GRID2: variants seen among roughly 807,000 people sequenced by gnomAD.
The protein encoded by GRID2 is glutamate receptor ionotropic, delta-2.
A neutral mutation model predicts 114.8 loss-of-function variants in GRID2; 33 were observed. That is an observed-to-expected ratio of 0.29 (90% confidence interval 0.22 to 0.38). The LOEUF is 0.38. Ranked by LOEUF, GRID2 falls within the 10% of genes least tolerant of loss-of-function variation. The probability of loss-of-function intolerance (pLI) is 1.00; values close to 1 mark genes in which losing one functional copy is unlikely to be tolerated. For synonymous variants in GRID2, 505 were observed against 449.9 expected (o/e 1.12, Z -1.55); for missense variants, 1,184 against 1,257.7 (o/e 0.94, Z 0.89).
intron 14 of GRID2, among the ~76,000 whole-genome samples, chr4:93,768,459 C>A (rs1004479838): frequency 1.3e-5 from 2 of 152,156 alleles, no homozygotes; most frequent in Non-Finnish European, 2.9e-5. Flanking sequence ...CCCTCAGACT[C>A]TGGGGAGGGG....
At chr4:93,659,225 G>T (rs1723274641) in intron 14 of GRID2, among the ~76,000 whole-genome samples, 1 of 151,850 alleles carries the variant, frequency 6.6e-6, no homozygotes, top group Non-Finnish European at 1.5e-5. Flanking sequence ...AAGTCCAGAA[G>T]TGCATGTAAA....
chr4:92,374,941 C>A (rs1470178085), intron 1 of GRID2, among the ~76,000 whole-genome samples: 1 of 152,020 alleles, frequency 6.6e-6, no homozygotes, highest in Non-Finnish European at 1.5e-5. Context: ...CATACCATAC[C>A]TGAGACAGAC....
At chr4:93,633,759 C>T (rs1721158344) in intron 14 of GRID2, among the ~76,000 whole-genome samples, 1 of 152,142 alleles carries the variant, frequency 6.6e-6, no homozygotes, top group Non-Finnish European at 1.5e-5. Flanking sequence ...TTCTTTCCAA[C>T]TCCCTGCTGT....
intron 1 of GRID2, among the ~76,000 whole-genome samples, chr4:92,331,916 T>C (rs1453597218): frequency 6.6e-6 from 1 of 152,182 alleles, no homozygotes; most frequent in African/African-American, 2.4e-5. Flanking sequence ...ACTGTGGATA[T>C]CTACAGATAT....
chr4:93,453,739 G>C (rs1415411771), intron 10 of GRID2, among the ~76,000 whole-genome samples: 1 of 151,986 alleles, frequency 6.6e-6, no homozygotes, highest in African/African-American at 2.4e-5. Flanking sequence ...CATGTTGTCA[G>C]TAAATTCCTC....
intron 3 of GRID2, among the ~76,000 whole-genome samples, chr4:93,088,812 A>G (rs746866185): frequency 1.3e-5 from 2 of 152,140 alleles, no homozygotes; most frequent in Non-Finnish European, 2.9e-5. Context: ...GGAACAAGTG[A>G]TAGGTAACTT....
intron 2 of GRID2, among the ~76,000 whole-genome samples, chr4:93,062,219 A>C (rs1553977054): frequency 6.6e-6 from 1 of 152,122 alleles, no homozygotes; most frequent in Non-Finnish European, 1.5e-5. Context: ...TAAATATAAA[A>C]TATGCTGTAT....
chr4:93,265,748 A>C (rs756704401), intron 8 of GRID2, among the ~76,000 whole-genome samples: 4 of 152,218 alleles, frequency 2.6e-5, no homozygotes, highest in Non-Finnish European at 5.9e-5. Flanking sequence ...TGGTGAGTCC[A>C]CTGAAGGAAT....
At chr4:93,447,513 A>G (rs1722200957) in intron 10 of GRID2, among the ~76,000 whole-genome samples, 1 of 152,118 alleles carries the variant, frequency 6.6e-6, no homozygotes, top group South Asian at 2.1e-4. Flanking sequence ...TTTCACAAGC[A>G]TGATGGAACA....
At chr4:92,994,588 T>G (rs1239220268) in intron 2 of GRID2, among the ~76,000 whole-genome samples, 3 of 152,144 alleles carry the variant, frequency 2.0e-5, no homozygotes, top group African/African-American at 7.2e-5. Flanking sequence ...CCTCCCAAAG[T>G]GCTGAGATTA....
At chr4:92,851,929 T>TA (rs1246326806) in intron 2 of GRID2, among the ~76,000 whole-genome samples, 2 of 151,912 alleles carry the variant, frequency 1.3e-5, no homozygotes, top group Admixed American at 1.3e-4. Context: ...TGAGACCACC[T>TA]AAAAAATTGC....
intron 9 of GRID2, among the ~76,000 whole-genome samples, chr4:93,396,057 C>T (rs1424389506): frequency 6.6e-6 from 1 of 151,896 alleles, no homozygotes. Flanking sequence ...AACATTGAAA[C>T]TATAAATGAA....
At chr4:92,853,428 AT>A (rs1420002135) in intron 2 of GRID2, among the ~76,000 whole-genome samples, 1 of 151,978 alleles carries the variant, frequency 6.6e-6, no homozygotes, top group Non-Finnish European at 1.5e-5. Flanking sequence ...ACTTTCTCCA[AT>A]CTCATAGAAA....
At chr4:92,312,096 G>A (rs926129522) in intron 1 of GRID2, among the ~76,000 whole-genome samples, 1 of 151,860 alleles carries the variant, frequency 6.6e-6, no homozygotes, top group Admixed American at 6.6e-5. Flanking sequence ...CAAGAATGAC[G>A]GCCATGAGAT....
At chr4:93,505,348 C>A (rs1728523202) in intron 12 of GRID2, among the ~76,000 whole-genome samples, 1 of 151,936 alleles carries the variant, frequency 6.6e-6, no homozygotes, top group Non-Finnish European at 1.5e-5. Flanking sequence ...TTGAAGATAT[C>A]ATCTTAACAT....
At chr4:93,314,598 A>C (rs7674580) in intron 8 of GRID2, among the ~76,000 whole-genome samples, 67,697 of 151,878 alleles carry the variant, frequency 0.45, 15,771 homozygotes, top group East Asian at 0.62. Context: ...AGTTTATCTT[A>C]TTAATAAGCC....
At chr4:92,959,711 T>C (rs374627209) in intron 2 of GRID2, among the ~76,000 whole-genome samples, 1 of 152,040 alleles carries the variant, frequency 6.6e-6, no homozygotes, top group South Asian at 2.1e-4. Context: ...TGCAGGGACA[T>C]GGATGAAGCT....
chr4:93,190,380 T>G (rs1417915010), intron 4 of GRID2, among the ~76,000 whole-genome samples: 2 of 152,124 alleles, frequency 1.3e-5, no homozygotes, highest in African/African-American at 2.4e-5. Flanking sequence ...CAGGAAAATC[T>G]TATTCTTTAT....
At chr4:93,065,829 G>A (rs1173636724) in intron 2 of GRID2, among the ~76,000 whole-genome samples, 1 of 151,808 alleles carries the variant, frequency 6.6e-6, no homozygotes, top group Admixed American at 6.6e-5. Context: ...TATCCCATCT[G>A]CCCTTGCTAA....
Sources: allele counts gnomAD v4.1 joint callset (sites outside exome capture counted in the v4.1 genomes callset), GRCh38; gene constraint gnomAD v4.1.1; transcripts MANE v1.5; gene names NCBI Gene and HGNC (gene_info 2026-07-23, HGNC 2026-07-21).